VAV3: variants seen among roughly 807,000 people sequenced by gnomAD.
VAV3 encodes guanine nucleotide exchange factor VAV3.
Under a neutral mutation model 131.2 loss-of-function variants are expected in VAV3, and 94 were observed. That is an observed-to-expected ratio of 0.72 (90% confidence interval 0.61 to 0.85). VAV3 has a LOEUF of 0.85. VAV3 is among the 40% of genes least tolerant of loss of function. VAV3 has a pLI of 0.00. For synonymous variants in VAV3, 349 were observed against 342.0 expected (o/e 1.02, Z -0.22); for missense variants, 939 against 1,002.7 (o/e 0.94, Z 0.86).
chr1:107,925,339 C>A (rs1673097044), intron 1 of VAV3, among the ~76,000 whole-genome samples: 1 of 151,964 alleles, frequency 6.6e-6, no homozygotes, highest in African/African-American at 2.4e-5. Flanking sequence ...AGGTACAAAC[C>A]AATATTACAC....
chr1:107,814,266 C>T (rs919250944), intron 2 of VAV3, among the ~76,000 whole-genome samples: 3 of 152,188 alleles, frequency 2.0e-5, no homozygotes, highest in Non-Finnish European at 2.9e-5. Context: ...ACATTACCAC[C>T]AACAGTGTAT....
intron 1 of VAV3, among the ~76,000 whole-genome samples, chr1:107,930,026 G>A (rs1271246590): frequency 6.6e-6 from 1 of 151,950 alleles, no homozygotes; most frequent in Non-Finnish European, 1.5e-5. Context: ...TAGAAGGATA[G>A]TTACCAGATT....
chr1:107,672,918 C>T (rs1657922045), intron 19 of VAV3, among the ~76,000 whole-genome samples: 2 of 151,878 alleles, frequency 1.3e-5, no homozygotes, highest in African/African-American at 2.4e-5. Context: ...ATTCTCATAC[C>T]CCAATAATAT....
At chr1:107,897,044 A>G (rs1671616281) in intron 1 of VAV3, among the ~76,000 whole-genome samples, 1 of 151,994 alleles carries the variant, frequency 6.6e-6, no homozygotes, top group Non-Finnish European at 1.5e-5. Context: ...AATAAGGTTT[A>G]AACAGTACCC....
chr1:107,899,965 T>C (rs763224260), intron 1 of VAV3, among the ~76,000 whole-genome samples: 2 of 152,180 alleles, frequency 1.3e-5, no homozygotes, highest in Non-Finnish European at 2.9e-5. Context: ...TTTCAACTAT[T>C]CTTTCTCCAT....
At chr1:107,602,306 C>A in intron 24 of VAV3, 91 bp downstream of exon 24, 1 of 934,174 alleles carries the variant, frequency 1.1e-6, no homozygotes, top group South Asian at 1.8e-5. Flanking sequence ...TTTCAGTGAG[C>A]AAAATTTCCA....
chr1:107,892,245 GACTTGTATCAGGTGAAATA>G (rs1383515088), intron 1 of VAV3, among the ~76,000 whole-genome samples: 1 of 152,102 alleles, frequency 6.6e-6, no homozygotes, highest in Non-Finnish European at 1.5e-5. Context: ...TTCCTTAAAG[GACTTGTATCAGGTGAAATA>G]ACCCATGAGA....
chr1:107,782,175 G>A (rs1241270410), intron 2 of VAV3, among the ~76,000 whole-genome samples: 2 of 151,856 alleles, frequency 1.3e-5, no homozygotes, highest in African/African-American at 2.4e-5. Flanking sequence ...GCAGTACTAC[G>A]GTTATGTCTT....
chr1:107,958,202 T>C (rs1428419464), intron 1 of VAV3, among the ~76,000 whole-genome samples: 1 of 152,194 alleles, frequency 6.6e-6, no homozygotes, highest in African/African-American at 2.4e-5. Flanking sequence ...ATGAACTGAC[T>C]AAAAATGTTA....
intron 1 of VAV3, among the ~76,000 whole-genome samples, chr1:107,907,683 A>G (rs1288922257): frequency 4.0e-5 from 6 of 150,880 alleles, no homozygotes; most frequent in East Asian, 2.0e-4. Flanking sequence ...TCACACACAC[A>G]CGCGCTCTCT....
intron 2 of VAV3, among the ~76,000 whole-genome samples, chr1:107,795,432 C>T (rs774192548): frequency 7.2e-5 from 11 of 151,732 alleles, no homozygotes; most frequent in Non-Finnish European, 1.3e-4. Flanking sequence ...GGCTTCTGTG[C>T]AATGGTATTT....
At chr1:107,738,024 C>A (rs1231537353) in intron 15 of VAV3, among the ~76,000 whole-genome samples, 1 of 152,126 alleles carries the variant, frequency 6.6e-6, no homozygotes, top group African/African-American at 2.4e-5. Context: ...AACTGTGCAG[C>A]CATAAAAAAG....
chr1:107,946,878 G>A (rs79731296), intron 1 of VAV3, among the ~76,000 whole-genome samples: 4,309 of 152,244 alleles, frequency 0.028, 101 homozygotes, highest in East Asian at 0.11. Flanking sequence ...TTTAGTGGAA[G>A]GTGTTTTGCC....
chr1:107,955,442 A>G (rs1347161589), intron 1 of VAV3, among the ~76,000 whole-genome samples: 1 of 152,010 alleles, frequency 6.6e-6, no homozygotes, highest in Admixed American at 6.6e-5. Context: ...GTCCATTTCT[A>G]GTGCCATATA....
chr1:107,604,375 T>G (rs945556846), intron 22 of VAV3, among the ~76,000 whole-genome samples: 1 of 152,198 alleles, frequency 6.6e-6, no homozygotes, highest in African/African-American at 2.4e-5. Context: ...AGGCATTTTA[T>G]GCAGATGGTA....
intron 15 of VAV3, among the ~76,000 whole-genome samples, chr1:107,737,694 G>T (rs1313303625): frequency 1.3e-5 from 2 of 152,178 alleles, no homozygotes; most frequent in Non-Finnish European, 2.9e-5. Context: ...TCATTAAAAA[G>T]TCAGGAAACA....
intron 2 of VAV3, among the ~76,000 whole-genome samples, chr1:107,832,743 T>C (rs548516036): frequency 6.6e-6 from 1 of 152,320 alleles, no homozygotes; most frequent in South Asian, 2.1e-4. Context: ...AATATTCATA[T>C]TTAAGCTATG....
At chr1:107,650,774 T>A (rs535049383) in intron 19 of VAV3, among the ~76,000 whole-genome samples, 2 of 140,774 alleles carry the variant, frequency 1.4e-5, no homozygotes, top group African/African-American at 5.3e-5. Context: ...TGTGTTCTCA[T>A]TGTTCAATTC....
At chr1:107,888,003 T>G (rs997695585) in intron 1 of VAV3, among the ~76,000 whole-genome samples, 60 of 143,158 alleles carry the variant, frequency 4.2e-4, no homozygotes, top group Non-Finnish European at 2.7e-4. Context: ...ATCCAAAAAT[T>G]TGGGGGGGGG....
Sources: gnomAD v4.1 joint callset for allele counts (sites outside exome capture counted in the v4.1 genomes callset) on GRCh38, gnomAD v4.1.1 for gene constraint, MANE v1.5 for transcripts, NCBI Gene and HGNC (gene_info 2026-07-23, HGNC 2026-07-21) for gene names.